Variants in SOAT2 observed in about 807,000 individuals in gnomAD.
SOAT2 encodes ACAT-2.
A neutral mutation model predicts 76.0 loss-of-function variants in SOAT2; 87 were observed. That is an observed-to-expected ratio of 1.14 (90% confidence interval 0.96 to 1.37). The LOEUF (loss-of-function observed/expected upper bound fraction) is 1.37. SOAT2 is among the 40% of genes most tolerant of loss of function. SOAT2 has a pLI of 0.00. For missense variants in SOAT2, 686 were observed against 682.1 expected, an observed-to-expected ratio of 1.01 and a Z score of -0.06; for synonymous variants, 285 against 275.4, an observed-to-expected ratio of 1.03 and a Z score of -0.34.
At chr12:53,105,357 T>C (rs893257473) in intron 3 of SOAT2, 114 bp downstream of exon 3, 70 of 1,370,988 alleles carry the variant, frequency 5.1e-5, no homozygotes, top group Non-Finnish European at 6.8e-5. Flanking sequence ...GCCTTCCCTC[T>C]TCCCCCCTTG....
In SOAT2 at chr12:53,121,394, G is replaced by A; in HGVS notation, c.1229G>A (p.Gly410Glu). The A allele has an allele frequency of 6.2e-7, 1 of 1,613,826 alleles. No individual in the cohort carries two copies. The highest frequency in any genetic ancestry group is 8.5e-7 in the Non-Finnish European group (1 of 1,179,778). Residue 410 changes from glycine (G) to glutamate (E), a missense_variant, in exon 12 of 15, where the codon GGG becomes GAG. By Grantham distance (98) the Gly-to-Glu change is moderately conservative. Coordinates refer to ENST00000301466, the MANE Select transcript of SOAT2 (RefSeq NM_003578.4). The part of the protein sequence containing the change: ...DWLYSYVYQD[G>E]LRLLGARARG... ...CTGTACAGCTACGTGTATCAGGATGGGCTGCGGGTATGGGCCCTGCAGACC... is the reference window on the plus strand; with the variant it reads ...CTGTACAGCTACGTGTATCAGGATGAGCTGCGGGTATGGGCCCTGCAGACC...
At chr12:53,118,988 G>A (rs751452120) in intron 9 of SOAT2, 53 bp downstream of exon 9, 1 of 1,612,176 alleles carries the variant, frequency 6.2e-7, no homozygotes, top group Non-Finnish European at 8.5e-7. Context: ...GTGGAGAGGG[G>A]ACATTTCTGG....
At position 53,103,495 on chromosome 12, in the gene SOAT2, A is replaced by C. The variant is rs1937870142; in HGVS notation, c.-83A>C. Reference sequence around the variant, plus strand: ...AGCTGTCACCTGAGCTGAGTGGGACAAGAGCTCTACAGGGCAGGCCACACT... The same window carrying C: ...AGCTGTCACCTGAGCTGAGTGGGACCAGAGCTCTACAGGGCAGGCCACACT... On this transcript the variant is annotated 5_prime_UTR_variant, in exon 1 of 15. Coordinates refer to ENST00000301466, the MANE Select transcript of SOAT2 (RefSeq NM_003578.4). 13 of 1,249,186 alleles carry C rather than the reference A, an allele frequency of 1.0e-5. No homozygotes were observed. Among genetic ancestry groups the C allele is most frequent in the Non-Finnish European group, 1.5e-5 (13 of 885,192 alleles). The allele number at this position is 1,249,186 out of a possible 1,614,324, so 77.4% of individuals were successfully genotyped here.
rs1470917398 is a variant in SOAT2 at position 53,105,931 on chromosome 12, C to T, written c.360C>T (p.Phe120=). 1 of 1,545,896 alleles carries T rather than the reference C, an allele frequency of 6.5e-7. No individual in the cohort carries two copies. The highest frequency in any genetic ancestry group is 2.6e-5 in the East Asian group (1 of 38,190). ...LLDELMEVQH[F]RTIYHMFIAG... ...GTGAGCTGATGGAGGTGCAGCATTT[C>T]CGCACCATCTACCACATGTTCATCG... Residue 120 remains phenylalanine, a synonymous_variant, in exon 5 of 15, where the codon TTC becomes TTT. Transcript: ENST00000301466.
chr12:53,120,401 G>A (rs1007443486), intron 10 of SOAT2, among the ~76,000 whole-genome samples: 15 of 152,112 alleles, frequency 9.9e-5, no homozygotes, highest in Non-Finnish European at 1.9e-4. Context: ...CCCAGGAGGC[G>A]GAGCTTGCAG....
At chr12:53,115,976 G>A (rs1043589557) in intron 6 of SOAT2, 121 bp from the exon 7 acceptor site, 2 of 874,876 alleles carry the variant, frequency 2.3e-6, no homozygotes, top group Non-Finnish European at 3.8e-6. Context: ...AAAAGTATGG[G>A]CTCTGACCAG....
At chr12:53,107,622 C>CTTTTTTTTTT (rs1303838303) in intron 5 of SOAT2, among the ~76,000 whole-genome samples, 6 of 117,034 alleles carry the variant, frequency 5.1e-5, no homozygotes, top group Non-Finnish European at 8.7e-5. Context: ...AACAGATGTA[C>CTTTTTTTTTT]TTTTTTTTTT....
chr12:53,115,374 C>G lies in SOAT2; in HGVS notation c.444-16C>G. The G allele has an allele frequency of 6.3e-7, 1 of 1,580,774 alleles. No individual in the cohort carries two copies. Among genetic ancestry groups the G allele is most frequent in the East Asian group, 2.3e-5 (1 of 44,412 alleles). On this transcript the variant is annotated splice_polypyrimidine_tract_variant and intron_variant, in intron 5 of 14. Coordinates refer to ENST00000301466, the MANE Select transcript of SOAT2 (RefSeq NM_003578.4). The stretch of plus-strand genomic sequence containing the variant: ...GGCTTCACTTGTCTACTTTGTCTCT[C>G]CTTCCCCACTCCAAGGCTGCTGCTG...
intron 7 of SOAT2, among the ~76,000 whole-genome samples, chr12:53,116,469 G>T (rs1938109289): frequency 6.6e-6 from 1 of 152,188 alleles, no homozygotes; most frequent in African/African-American, 2.4e-5. Context: ...AGTATATTTA[G>T]CATCATTCTT....
At chr12:53,112,779 CTTT>C (rs71095978) in intron 5 of SOAT2, among the ~76,000 whole-genome samples, 2 of 125,722 alleles carry the variant, frequency 1.6e-5, no homozygotes, top group Non-Finnish European at 1.6e-5. Flanking sequence ...TTTTTCTTTC[CTTT>C]TTTTTTTTTT....
chr12:53,105,358 T>TC (rs1298934137), intron 3 of SOAT2, 115 bp downstream of exon 3: 14 of 1,355,640 alleles, frequency 1.0e-5, no homozygotes, highest in Middle Eastern at 2.6e-4. Flanking sequence ...CCTTCCCTCT[T>TC]CCCCCCTTGT....
intron 5 of SOAT2, 43 bp from the exon 6 acceptor site, chr12:53,115,347 T>A (rs1246525205): frequency 1.3e-6 from 2 of 1,535,930 alleles, no homozygotes; most frequent in Non-Finnish European, 1.8e-6. Context: ...GGGACAAGAA[T>A]GGGCTTCACT....
intron 2 of SOAT2, among the ~76,000 whole-genome samples, chr12:53,104,897 C>T (rs542395315): frequency 1.3e-5 from 2 of 152,046 alleles, no homozygotes; most frequent in African/African-American, 4.8e-5. Flanking sequence ...TCCTACCCCA[C>T]CAGCAGACCC....
chr12:53,116,982 G>A (rs890485225), intron 7 of SOAT2, among the ~76,000 whole-genome samples: 7 of 137,510 alleles, frequency 5.1e-5, no homozygotes, highest in Non-Finnish European at 7.7e-5. Context: ...TTTTTGAGAT[G>A]GAGTCTTGCC....
At chr12:53,118,213 T>G in intron 7 of SOAT2, 137 bp from the exon 8 acceptor site, 1 of 638,810 alleles carries the variant, frequency 1.6e-6, no homozygotes, top group Non-Finnish European at 2.9e-6. Flanking sequence ...AGGTCCTACG[T>G]CCAGCTCCTT....
intron 13 of SOAT2, among the ~76,000 whole-genome samples, 193 bp from the exon 14 acceptor site, chr12:53,123,535 T>C (rs1014551877): frequency 2.0e-5 from 3 of 152,162 alleles, no homozygotes; most frequent in African/African-American, 7.2e-5. Flanking sequence ...ATTCAGGATA[T>C]TGAAGTACAA....
intron 1 of SOAT2, 37 bp downstream of exon 1, chr12:53,103,696 G>A (rs1311564153): frequency 2.1e-6 from 3 of 1,451,042 alleles, no homozygotes; most frequent in East Asian, 5.0e-5. Context: ...GCACAGGCAA[G>A]TGGGGGGGAG....
rs746499581 is a variant in SOAT2, at chr12:53,124,095, C to T, written c.1541C>T (p.Thr514Ile). Residue 514 changes from threonine (T) to isoleucine (I), a missense_variant, in exon 15 of 15, where the codon ACA becomes ATA. Thr to Ile is a moderately conservative substitution (Grantham distance 89). Coordinates refer to ENST00000301466, the MANE Select transcript of SOAT2 (RefSeq NM_003578.4). ...CAGGCAACTTTCTGGGGGCTGGTGACACCTCGATCTTGGTCCTGCCATACC... is the reference window on the plus strand; with the variant it reads ...CAGGCAACTTTCTGGGGGCTGGTGATACCTCGATCTTGGTCCTGCCATACC... ...LPQATFWGLV[T>I]PRSWSCHT is the part of the protein sequence containing the mutation. 1.2e-6 allele frequency: 2 copies of T among 1,614,204 alleles called. No individual in the cohort carries two copies. Among genetic ancestry groups the T allele is most frequent in the Non-Finnish European group, 1.7e-6 (2 of 1,180,038 alleles).
At chr12:53,105,806 C>G in intron 4 of SOAT2, 101 bp from the exon 5 acceptor site, 1 of 1,105,374 alleles carries the variant, frequency 9.0e-7, no homozygotes, top group Non-Finnish European at 1.4e-6. Flanking sequence ...GCTGGAAGTT[C>G]TGGATCGCTA....
Sources: gnomAD v4.1 joint callset for allele counts (sites outside exome capture counted in the v4.1 genomes callset) on GRCh38, gnomAD v4.1.1 for gene constraint, MANE v1.5 for transcripts, NCBI Gene and HGNC (gene_info 2026-07-23, HGNC 2026-07-21) for gene names.